The following MUC22 variants were observed in gnomAD, a reference collection of about 807,000 sequenced individuals.
MUC22 encodes the protein mucin-22.
In MUC22, 24 loss-of-function variants were observed where a neutral mutation model predicts 40.3. The observed-to-expected ratio is 0.60, with a 90% CI of 0.43 to 0.84. The LOEUF (loss-of-function observed/expected upper bound fraction) is 0.84. Among genes scored for constraint, MUC22 ranks in the 40% least tolerant of loss-of-function variants. The pLI is 0.00. For missense variants in MUC22, 1,926 were observed against 2,130.7 expected (o/e 0.90, Z 1.89); for synonymous variants, 765 against 844.5 (o/e 0.91, Z 1.63).
chr6:31,025,579 G>A, exon 2 of MUC22: 1 of 1,521,564 alleles, frequency 6.6e-7, no homozygotes, highest in Non-Finnish European at 8.8e-7. Flanking sequence ...GACCACCATG[G>A]CCTCCACCAT....
chr6:31,010,537 A>G, exon 1 of MUC22: 1 of 569,662 alleles, frequency 1.8e-6, no homozygotes, highest in Non-Finnish European at 3.1e-6. Flanking sequence ...CAACCATGCC[A>G]TCTGCCTACA....
intron 1 of MUC22, among the ~76,000 whole-genome samples, chr6:31,021,742 C>T (rs759084413): frequency 1.3e-4 from 20 of 152,146 alleles, no homozygotes; most frequent in Non-Finnish European, 2.6e-4. Context: ...AATCAGCACC[C>T]TGTCAAAACA....
exon 2 of MUC22, chr6:31,027,057 C>G: frequency 6.7e-7 from 1 of 1,498,754 alleles, no homozygotes; most frequent in Non-Finnish European, 8.9e-7. Flanking sequence ...CTACTACAGG[C>G]TCTGAGCCTA....
intron 1 of MUC22, among the ~76,000 whole-genome samples, chr6:31,016,813 C>G (rs1300392056): frequency 1.3e-5 from 2 of 152,202 alleles, no homozygotes; most frequent in African/African-American, 4.8e-5. Flanking sequence ...GGGCGGGAAC[C>G]CGGGCTGCCT....
At chr6:31,008,534 A>G (rs1763657199), upstream of MUC22, among the ~76,000 whole-genome samples, 1 of 149,822 alleles carries the variant, frequency 6.7e-6, no homozygotes, top group Non-Finnish European at 1.5e-5. Flanking sequence ...GACCTGAAAC[A>G]TTGTTTTCTT....
chr6:31,028,438 G>A (rs748531346), exon 2 of MUC22: 19 of 1,531,730 alleles, frequency 1.2e-5, no homozygotes, highest in East Asian at 2.5e-5. Flanking sequence ...TGAAGGCTCC[G>A]AGACCACCTC....
exon 2 of MUC22, chr6:31,028,510 G>A (rs1408253098): frequency 6.5e-7 from 1 of 1,532,940 alleles, no homozygotes; most frequent in Non-Finnish European, 8.7e-7. Flanking sequence ...GACCACCATG[G>A]CATCCATCAT....
chr6:31,017,086 C>G (rs749453852), intron 1 of MUC22, among the ~76,000 whole-genome samples: 1 of 152,244 alleles, frequency 6.6e-6, no homozygotes, highest in Non-Finnish European at 1.5e-5. Flanking sequence ...TCCCCCACGC[C>G]GCCATGGGCT....
upstream of MUC22, among the ~76,000 whole-genome samples, chr6:31,008,692 G>A (rs1763673305): frequency 6.6e-6 from 1 of 150,418 alleles, no homozygotes. Flanking sequence ...GGGATTACAG[G>A]CACCCGCCAC....
At chr6:31,035,193 G>A (rs1262975746) in exon 4 of MUC22, 1 of 480,402 alleles carries the variant, frequency 2.1e-6, no homozygotes, top group Non-Finnish European at 3.6e-6. Flanking sequence ...GCTTGGAGGG[G>A]ACTTCAAGTC....
chr6:31,010,231 C>A (rs924612447), upstream of MUC22, among the ~76,000 whole-genome samples: 1 of 152,170 alleles, frequency 6.6e-6, no homozygotes, highest in Non-Finnish European at 1.5e-5. Flanking sequence ...AGGGTGGGTC[C>A]CTTCCACTCC....
chr6:31,027,891 C>G, exon 2 of MUC22: 1 of 1,534,284 alleles, frequency 6.5e-7, no homozygotes, highest in Non-Finnish European at 8.7e-7. Flanking sequence ...CAGTCTCCAC[C>G]ACAGGTGCTG....
Position 31,025,642 on chromosome 6 carries a change from A to G in MUC22, c.211A>G (p.Thr71Ala), listed in dbSNP as rs117024916. Residue 71 changes from threonine (T) to alanine (A), a missense_variant, in exon 2 of 4, where the codon ACA becomes GCA. Physicochemically the swap from Thr to Ala is moderately conservative, Grantham distance 58. Coordinates refer to ENST00000561890, the Ensembl canonical transcript of MUC22. ...CTCTAAGATCACCACAGACTCTACCACAGGCTCTGAGACAACCTCAGCCTC... is the reference window on the plus strand; with the variant it reads ...CTCTAAGATCACCACAGACTCTACCGCAGGCTCTGAGACAACCTCAGCCTC... The G allele has an allele frequency of 2.1e-3, 3,191 of 1,532,796 alleles. 77 individuals carry two copies. The East Asian group carries it at 0.043, about 21-fold the overall frequency. 94.9% of individuals were successfully genotyped at this position (1,532,796 alleles called of 1,614,324 possible).
chr6:31,020,452 T>TC (rs914748387), intron 1 of MUC22, among the ~76,000 whole-genome samples: 2 of 150,182 alleles, frequency 1.3e-5, no homozygotes, highest in African/African-American at 4.9e-5. Flanking sequence ...TTTTTTTTTT[T>TC]TTTTTTTTGA....
chr6:31,007,675 C>T (rs1218238140), upstream of MUC22, among the ~76,000 whole-genome samples: 1 of 152,182 alleles, frequency 6.6e-6, no homozygotes, highest in Admixed American at 6.5e-5. This position sits in a 1 kb window ranked among gnomAD's most constrained non-coding sequence, Gnocchi z 4.0. Flanking sequence ...GGGCGAATTT[C>T]AAATCTATGC....
chr6:31,021,867 A>C (rs1362180905), intron 1 of MUC22, among the ~76,000 whole-genome samples: 1 of 151,004 alleles, frequency 6.6e-6, no homozygotes, highest in Non-Finnish European at 1.5e-5. Context: ...CACTGTGGAA[A>C]CTTTGTTCTT....
At chr6:31,018,866 A>G (rs2150758229) in intron 1 of MUC22, among the ~76,000 whole-genome samples, 1 of 152,296 alleles carries the variant, frequency 6.6e-6, no homozygotes, top group African/African-American at 2.4e-5. Context: ...GCCTTAGTGG[A>G]TGCTCCTTCT....
intron 1 of MUC22, among the ~76,000 whole-genome samples, chr6:31,024,957 G>T (rs4713417): frequency 0.15 from 22,718 of 149,864 alleles, 1,955 homozygotes; most frequent in East Asian, 0.33. Flanking sequence ...TGCAACCTCC[G>T]CCTTCCGGTT....
chr6:31,028,189 A>G, exon 2 of MUC22: 14 of 1,534,694 alleles, frequency 9.1e-6, no homozygotes, highest in Non-Finnish European at 1.2e-5. Flanking sequence ...CATCACCTCT[A>G]CTGAAGGCTC....
Sources: allele counts gnomAD v4.1 joint callset (sites outside exome capture counted in the v4.1 genomes callset), GRCh38; gene constraint gnomAD v4.1.1; non-coding constraint Gnocchi (gnomAD v3.1); transcripts MANE v1.5; gene names NCBI Gene and HGNC (gene_info 2026-07-23, HGNC 2026-07-21).